The following KCNH7 variants were observed in gnomAD, a reference collection of about 807,000 sequenced individuals.
KCNH7 encodes the protein potassium voltage-gated channel subfamily H member 7, also known as voltage-gated inwardly rectifying potassium channel KCNH7.
KCNH7 carries 49 observed loss-of-function variants against 120.8 expected under a neutral mutation model. The ratio of observed to expected loss-of-function variants is 0.41; its 90% CI spans 0.32 to 0.51. The LOEUF is 0.51. Among genes scored for constraint, KCNH7 ranks in the 20% least tolerant of loss-of-function variants. The pLI is 0.38. For synonymous variants in KCNH7, 547 were observed against 516.1 expected (o/e 1.06, Z -0.81); for missense variants, 1,097 against 1,446.6 (o/e 0.76, Z 3.92).
chr2:162,720,547 T>C (rs1020647631), intron 2 of KCNH7, among the ~76,000 whole-genome samples: 8 of 152,098 alleles, frequency 5.3e-5, no homozygotes, highest in Admixed American at 2.6e-4. Flanking sequence ...TTTACTGATA[T>C]AAAGGTTGTA....
At chr2:162,773,530 A>G (rs2105476905) in intron 2 of KCNH7, among the ~76,000 whole-genome samples, 1 of 152,338 alleles carries the variant, frequency 6.6e-6, no homozygotes, top group East Asian at 1.9e-4. Flanking sequence ...CCAACTTGAA[A>G]TAAATGTGTC....
chr2:162,672,757 T>C (rs1411257394), intron 2 of KCNH7, among the ~76,000 whole-genome samples: 2 of 151,986 alleles, frequency 1.3e-5, no homozygotes, highest in Non-Finnish European at 2.9e-5. Context: ...CACAGAATAT[T>C]AAAATATGAT....
At chr2:162,693,393 T>C (rs529776956) in intron 2 of KCNH7, among the ~76,000 whole-genome samples, 3 of 152,340 alleles carry the variant, frequency 2.0e-5, no homozygotes, top group Non-Finnish European at 4.4e-5. Context: ...AAGTTTAATT[T>C]AGTAGTTTTT....
chr2:162,790,014 G>C (rs936619766), intron 2 of KCNH7, among the ~76,000 whole-genome samples: 2 of 151,034 alleles, frequency 1.3e-5, no homozygotes, highest in Non-Finnish European at 3.0e-5. Flanking sequence ...ATAAAATAAA[G>C]ACTAGAGAAC....
At chr2:162,468,512 CTTTTTTTTT>C (rs1166606647) in intron 6 of KCNH7, among the ~76,000 whole-genome samples, 6 of 78,908 alleles carry the variant, frequency 7.6e-5, no homozygotes, top group East Asian at 4.8e-4. Flanking sequence ...TATTCTTTTC[CTTTTTTTTT>C]TTTTTTTTTT....
At chr2:162,464,091 A>T (rs997074733) in intron 6 of KCNH7, among the ~76,000 whole-genome samples, 1 of 151,976 alleles carries the variant, frequency 6.6e-6, no homozygotes, top group Non-Finnish European at 1.5e-5. Flanking sequence ...CTAATCTCAT[A>T]AGTAATTTTA....
intron 2 of KCNH7, among the ~76,000 whole-genome samples, chr2:162,760,222 C>A (rs766778945): frequency 6.6e-6 from 1 of 151,944 alleles, no homozygotes; most frequent in Non-Finnish European, 1.5e-5. Context: ...TTAGTAACCA[C>A]CTTGCATAAT....
At chr2:162,657,093 A>C (rs1315691311) in intron 2 of KCNH7, among the ~76,000 whole-genome samples, 2 of 152,204 alleles carry the variant, frequency 1.3e-5, no homozygotes, top group African/African-American at 4.8e-5. Context: ...AGCCTCCTCC[A>C]CTATCCACAA....
At chr2:162,420,745 A>C (rs1687676873) in intron 9 of KCNH7, among the ~76,000 whole-genome samples, 1 of 152,210 alleles carries the variant, frequency 6.6e-6, no homozygotes, top group African/African-American at 2.4e-5. Flanking sequence ...AAATGACCTG[A>C]AATGTTTCGT....
intron 9 of KCNH7, among the ~76,000 whole-genome samples, chr2:162,402,233 G>A (rs1480696404): frequency 6.6e-6 from 1 of 150,554 alleles, no homozygotes; most frequent in African/African-American, 2.4e-5. Flanking sequence ...CTCTTTGTTG[G>A]AATCTTATAT....
rs1692155485 is a variant in KCNH7, at chr2:162,537,688, T to C, written c.308-608A>G. On this transcript the variant is annotated intron_variant, in intron 2 of 15. Coordinates refer to ENST00000332142, the MANE Select transcript of KCNH7 (RefSeq NM_033272.4). ...TAAGAACAAAGTTTTGTCTATATTA[T>C]TGTGTTAGTAATCTTCTTCATGAGA... 2.0e-5 allele frequency among the ~76,000 whole-genome samples: 3 copies of C among 152,122 alleles called. No individual in the cohort carries two copies. In the South Asian group the frequency reaches 6.2e-4, roughly 31 times the overall value.
At chr2:162,503,990 C>A (rs966365014) in intron 6 of KCNH7, among the ~76,000 whole-genome samples, 6 of 152,008 alleles carry the variant, frequency 3.9e-5, no homozygotes, top group Non-Finnish European at 5.9e-5. Context: ...TCAGACAGCT[C>A]TTTTCCCCAA....
chr2:162,475,083 C>T (rs1419470052), intron 6 of KCNH7, among the ~76,000 whole-genome samples: 1 of 152,216 alleles, frequency 6.6e-6, no homozygotes, highest in East Asian at 1.9e-4. Flanking sequence ...TGTCTTCAGA[C>T]ACTAAGATTT....
intron 2 of KCNH7, among the ~76,000 whole-genome samples, chr2:162,645,761 C>A (rs1684336397): frequency 6.6e-6 from 1 of 152,142 alleles, no homozygotes; most frequent in Admixed American, 6.5e-5. Flanking sequence ...ACAACAGTAT[C>A]CATTTCCTCC....
At chr2:162,595,556 GGA>G (rs1206546733) in intron 2 of KCNH7, among the ~76,000 whole-genome samples, 1 of 151,922 alleles carries the variant, frequency 6.6e-6, no homozygotes, top group Non-Finnish European at 1.5e-5. Flanking sequence ...AATAGGTATA[GGA>G]GGAAAGTTTC....
intron 14 of KCNH7, among the ~76,000 whole-genome samples, chr2:162,378,413 G>C (rs1406122762): frequency 6.6e-6 from 1 of 152,168 alleles, no homozygotes; most frequent in Non-Finnish European, 1.5e-5. Context: ...ATTCACTTGT[G>C]TGTTCAACAA....
intron 12 of KCNH7, among the ~76,000 whole-genome samples, chr2:162,385,175 C>T (rs1014187254): frequency 2.8e-4 from 43 of 151,726 alleles, no homozygotes; most frequent in South Asian, 2.1e-4. Flanking sequence ...ATGTCTCAGA[C>T]GAAAACTATG....
intron 2 of KCNH7, among the ~76,000 whole-genome samples, chr2:162,702,750 C>A (rs2105345842): frequency 6.6e-6 from 1 of 152,236 alleles, no homozygotes; most frequent in Non-Finnish European, 1.5e-5. Flanking sequence ...CTTGGGGATC[C>A]TTCTCCTAAC....
At chr2:162,820,209 TTGTG>T (rs71410049) in intron 2 of KCNH7, among the ~76,000 whole-genome samples, 1,151 of 99,724 alleles carry the variant, frequency 0.012, 15 homozygotes, top group African/African-American at 0.033. Context: ...CCGGCTAATT[TTGTG>T]TGTGTGTGTG....
Sources: allele counts gnomAD v4.1 joint callset (sites outside exome capture counted in the v4.1 genomes callset), GRCh38; gene constraint gnomAD v4.1.1; transcripts MANE v1.5; gene names NCBI Gene and HGNC (gene_info 2026-07-23, HGNC 2026-07-21).